The following CCT7 variants were observed in gnomAD, a reference collection of about 807,000 sequenced individuals.
CCT7 encodes the protein chaperonin containing TCP1 subunit 7, also known as T-complex protein 1 subunit eta.
A neutral mutation model predicts 56.6 loss-of-function variants in CCT7; 16 were observed. The ratio of observed to expected loss-of-function variants is 0.28; its 90% CI spans 0.19 to 0.43. CCT7 has a LOEUF of 0.43. Among genes scored for constraint, CCT7 ranks in the 20% least tolerant of loss-of-function variants. The pLI is 1.00. For missense variants in CCT7, 519 were observed against 685.6 expected (o/e 0.76, Z 2.71); for synonymous variants, 262 against 254.8 (o/e 1.03, Z -0.27).
At chr2:73,245,881 C>T (rs1161763029) in intron 6 of CCT7, among the ~76,000 whole-genome samples, 1 of 152,174 alleles carries the variant, frequency 6.6e-6, no homozygotes. Context: ...TTCATCATGG[C>T]TTGCTGACTT....
chr2:73,235,466 C>A, intron 1 of CCT7: 2 of 763,648 alleles, frequency 2.6e-6, no homozygotes, highest in Non-Finnish European at 3.3e-6. Flanking sequence ...GGTGTTCTAC[C>A]AAATGCCCTA....
intron 1 of CCT7, 68 bp downstream of exon 1, chr2:73,234,452 T>C: frequency 6.3e-7 from 1 of 1,578,058 alleles, no homozygotes. Flanking sequence ...CCGCTCGGCC[T>C]GGGCTTGCTC....
Position 73,244,634 on chromosome 2 carries a change from G to A in CCT7, c.537G>A (p.Val179=), listed in dbSNP as rs11544994. 1,549 of 1,613,816 alleles carry A rather than the reference G, an allele frequency of 9.6e-4. 12 individuals carry two copies. Among genetic ancestry groups the A allele is most frequent in the Non-Finnish European group, 3.3e-4 (394 of 1,179,768 alleles). Residue 179 remains valine (V), a synonymous_variant, in exon 6 of 12, where the codon GTG becomes GTA. Coordinates refer to ENST00000258091, the MANE Select transcript of CCT7 (RefSeq NM_006429.4). ...AGAAAGCTTTCTTTGCTAAGATGGT[G>A]GTGGATGCAGTGATGATGCTCGATG... ...SQQKAFFAKM[V]VDAVMMLDDL... is the part of the protein sequence containing the mutation.
chr2:73,247,736 T>G, intron 6 of CCT7, 26 bp from the exon 7 acceptor site: 1 of 1,610,060 alleles, frequency 6.2e-7, no homozygotes, highest in East Asian at 2.2e-5. Flanking sequence ...TACCAAACCA[T>G]TAAAGTGTTT....
In CCT7 at chr2:73,237,394, T is replaced by C. The variant is rs113283977; in HGVS notation, c.7-2249T>C. ...AGGTGAAAGAACCTGTTGAAGGTGA[T>C]AGGAAGTGATTGAGACTCATGTTAG... On this transcript the variant is annotated intron_variant, in intron 1 of 11. Coordinates refer to ENST00000258091, the MANE Select transcript of CCT7 (RefSeq NM_006429.4). Among the ~76,000 whole-genome samples the C allele has an allele frequency of 1.9e-3, 292 of 152,278 alleles. 4 individuals carry two copies. Among genetic ancestry groups the C allele is most frequent in the African/African-American group, 6.7e-3 (278 of 41,564 alleles).
At chr2:73,242,242 G>A (rs1687148861) in intron 3 of CCT7, among the ~76,000 whole-genome samples, 1 of 151,896 alleles carries the variant, frequency 6.6e-6, no homozygotes, top group Non-Finnish European at 1.5e-5. Context: ...GACAACATAG[G>A]GAGACCCTTT....
In CCT7 at chr2:73,252,740, C is replaced by T; in HGVS notation, c.1511C>T (p.Thr504Ile). 6.2e-7 allele frequency: 1 copy of T among 1,614,102 alleles called. No individual in the cohort carries two copies. Among genetic ancestry groups the T allele is most frequent in the Non-Finnish European group, 8.5e-7 (1 of 1,179,970 alleles). The part of the protein sequence containing the change: ...EPAMVRINAL[T>I]AASEAACLIV... The stretch of plus-strand genomic sequence containing the variant: ...GCTATGGTGCGGATCAATGCGCTGA[C>T]AGCAGCCTCTGAGGCTGCGTGCCTG... The change falls in exon 12 of 12, where the codon ACA (threonine) becomes ATA (isoleucine). Residue 504 changes from threonine (T) to isoleucine (I), a missense_variant. By Grantham distance (89) the Thr-to-Ile change is moderately conservative (BLOSUM62 -1). Coordinates refer to ENST00000258091, the MANE Select transcript of CCT7 (RefSeq NM_006429.4).
At chr2:73,236,024 C>G (rs925976393) in intron 1 of CCT7, among the ~76,000 whole-genome samples, 7 of 152,196 alleles carry the variant, frequency 4.6e-5, no homozygotes, top group African/African-American at 1.7e-4. Flanking sequence ...TGTGAAACTT[C>G]TATCTCCAAG....
Position 73,252,749 on chromosome 2 carries a change from C to G in CCT7, c.1520C>G (p.Ser507Cys). 1.2e-6 allele frequency: 2 copies of G among 1,614,194 alleles called. No homozygotes were observed. Among genetic ancestry groups the G allele is most frequent in the Non-Finnish European group, 1.7e-6 (2 of 1,180,028 alleles). Residue 507 changes from serine (S) to cysteine (C), a missense_variant, in exon 12 of 12, where the codon TCT (serine) becomes TGT (cysteine). Physicochemically the swap from Ser to Cys is moderately radical, Grantham distance 112 (BLOSUM62 -1). Transcript: ENST00000258091. ...CGGATCAATGCGCTGACAGCAGCCT[C>G]TGAGGCTGCGTGCCTGATCGTGTCT... ...MVRINALTAA[S>C]EAACLIVSVD...
intron 11 of CCT7, 150 bp from the exon 12 acceptor site, chr2:73,252,490 T>C (rs1687636263): frequency 1.6e-6 from 1 of 640,920 alleles, no homozygotes; most frequent in African/African-American, 1.8e-5. Flanking sequence ...GTTCCTGGCA[T>C]GCTCATAGGA....
intron 1 of CCT7, among the ~76,000 whole-genome samples, chr2:73,234,735 G>C (rs946849179): frequency 3.3e-5 from 5 of 152,218 alleles, no homozygotes; most frequent in African/African-American, 9.6e-5. Flanking sequence ...GTGGTTACGC[G>C]GTCGGCAGCT....
chr2:73,244,798 T>C lies in CCT7; in HGVS notation c.618+83T>C, dbSNP rs1223699063. 4 of 1,077,802 alleles carry C rather than the reference T, an allele frequency of 3.7e-6. No individual in the cohort carries two copies. The East Asian group carries it at 1.0e-4, about 28-fold the overall frequency. The allele number at this position is 1,077,802 out of a possible 1,614,324, so 66.8% of individuals were successfully genotyped here. On this transcript the variant is annotated intron_variant, in intron 6 of 11. Transcript: ENST00000258091. ...GCTTCATATGGCAGAGGGGTACTCA[T>C]TACAGGAATAAAGAGAATGCATGTT...
chr2:73,251,938 C>CA (rs34402523), intron 11 of CCT7, among the ~76,000 whole-genome samples: 14,514 of 134,208 alleles, frequency 0.11, 950 homozygotes, highest in African/African-American at 0.2. Flanking sequence ...GACTCCATCT[C>CA]AAAAAAAAAA....
In CCT7 at chr2:73,250,372, G is replaced by A. The variant is rs776215938; in HGVS notation, c.1137G>A (p.Glu379=). 1 of 1,614,130 alleles carries A rather than the reference G, an allele frequency of 6.2e-7. No individual in the cohort carries two copies. The highest frequency in any genetic ancestry group is 2.2e-5 in the East Asian group (1 of 44,872). Residue 379 remains glutamate (E), a synonymous_variant, in exon 10 of 12, where the codon GAG becomes GAA. Transcript: ENST00000258091. ...CCTTCATTCTCCGTGGCGGCGCCGA[G>A]CAGTTTATGGAGGAGACAGAGCGGT... ...TCTFILRGGA[E]QFMEETERSL...
chr2:73,235,146 T>C (rs1337646341), intron 1 of CCT7, among the ~76,000 whole-genome samples: 2 of 152,152 alleles, frequency 1.3e-5, no homozygotes, highest in African/African-American at 2.4e-5. Context: ...TTCTTGAAAT[T>C]TGGGGCGAGG....
chr2:73,252,102 TGA>T (rs1222793406), intron 11 of CCT7, among the ~76,000 whole-genome samples: 1 of 152,072 alleles, frequency 6.6e-6, no homozygotes, highest in Non-Finnish European at 1.5e-5. Flanking sequence ...TCAACCTCTC[TGA>T]GAGTTTAATT....
intron 4 of CCT7, chr2:73,243,729 G>A (rs1463213926): frequency 2.5e-5 from 11 of 437,870 alleles, no homozygotes; most frequent in Middle Eastern, 5.9e-4. Flanking sequence ...GTTGTAGCGT[G>A]TTACCTGCAG....
rs1000795536 is a variant in CCT7, at chr2:73,249,814, C to T, written c.973-5C>T. Reference sequence around the variant, plus strand: ...CTGCTAGATCTTGCCTTCCTTGCTCCCTAGGCCTGTGGAGGCTCAATCCAG... The same window carrying T: ...CTGCTAGATCTTGCCTTCCTTGCTCTCTAGGCCTGTGGAGGCTCAATCCAG... On this transcript the variant is annotated splice_polypyrimidine_tract_variant and splice_region_variant and intron_variant, in intron 8 of 11. Coordinates refer to ENST00000258091, the MANE Select transcript of CCT7 (RefSeq NM_006429.4). 6.2e-7 allele frequency: 1 copy of T among 1,607,192 alleles called. No homozygotes were observed. The highest frequency in any genetic ancestry group is 8.5e-7 in the Non-Finnish European group (1 of 1,173,684).
intron 11 of CCT7, among the ~76,000 whole-genome samples, chr2:73,252,114 TTC>T (rs1278217169): frequency 2.0e-5 from 3 of 151,968 alleles, no homozygotes; most frequent in Non-Finnish European, 4.4e-5. Context: ...AGAGTTTAAT[TTC>T]TCCATTTGTT....
Sources: gnomAD v4.1 joint callset for allele counts (sites outside exome capture counted in the v4.1 genomes callset) on GRCh38, gnomAD v4.1.1 for gene constraint, MANE v1.5 for transcripts, NCBI Gene and HGNC (gene_info 2026-07-23, HGNC 2026-07-21) for gene names.